ATP10D: variants seen among roughly 807,000 people sequenced by gnomAD.
ATP10D encodes ATPase phospholipid transporting 10D (putative).
A neutral mutation model predicts 144.8 loss-of-function variants in ATP10D; 89 were observed. That is an observed-to-expected ratio of 0.61 (90% CI 0.52 to 0.73). ATP10D has a LOEUF of 0.73. Ranked by LOEUF, ATP10D falls within the 30% of genes least tolerant of loss-of-function variation. The pLI is 0.00. For synonymous variants in ATP10D, 571 were observed against 615.1 expected, an observed-to-expected ratio of 0.93 and a Z score of 1.06; for missense variants, 1,603 against 1,714.8, an observed-to-expected ratio of 0.93 and a Z score of 1.15.
chr4:47,524,437 TCTGGTACCAAAGACATTGG>T (rs1457199526), intron 4 of ATP10D, among the ~76,000 whole-genome samples: 1 of 152,214 alleles, frequency 6.6e-6, no homozygotes, highest in Non-Finnish European at 1.5e-5. Flanking sequence ...CTGTAAGTAG[TCTGGTACCAAAGACATTGG>T]TAAAAATCCT....
At chr4:47,514,177 A>C (rs1422859768) in intron 2 of ATP10D, among the ~76,000 whole-genome samples, 2 of 152,254 alleles carry the variant, frequency 1.3e-5, no homozygotes, top group African/African-American at 2.4e-5. Context: ...ACATACATTC[A>C]TTCTCATCAT....
At chr4:47,529,941 CAGTT>C (rs1207726299) in intron 5 of ATP10D, among the ~76,000 whole-genome samples, 2 of 151,978 alleles carry the variant, frequency 1.3e-5, no homozygotes. Context: ...ATTTGGTTCT[CAGTT>C]AGAATGTTAT....
rs200556408 is a variant in ATP10D at position 47,523,070 on chromosome 4, C to T, written c.544C>T (p.Arg182Cys). Residue 182 changes from arginine to cysteine, a missense_variant, in exon 4 of 23, where the codon CGC (arginine) becomes TGC (cysteine). By Grantham distance (180) the Arg-to-Cys change is radical (BLOSUM62 -3). Coordinates refer to ENST00000273859, the MANE Select transcript of ATP10D (RefSeq NM_020453.4). Reference sequence around the variant, plus strand: ...AGACGTTACTGTTGGGGACTTTATTCGCCTCTCCTGCAACGAGGTCATCCC... The same window carrying T: ...AGACGTTACTGTTGGGGACTTTATTTGCCTCTCCTGCAACGAGGTCATCCC... ...WKDVTVGDFI[R>C]LSCNEVIPAD... The T allele has an allele frequency of 1.2e-4, 194 of 1,613,156 alleles. 3 individuals are homozygous for T. Among genetic ancestry groups the T allele is most frequent in the South Asian group, 1.0e-3 (91 of 91,054 alleles).
At chr4:47,549,950 C>CTT (rs57539413) in intron 10 of ATP10D, among the ~76,000 whole-genome samples, 5 of 128,176 alleles carry the variant, frequency 3.9e-5, no homozygotes, top group Non-Finnish European at 6.7e-5. Context: ...TCACCTTTGT[C>CTT]TTTTTTTTTT....
At chr4:47,559,298 G>A (rs1560445129) in intron 13 of ATP10D, among the ~76,000 whole-genome samples, 1 of 152,228 alleles carries the variant, frequency 6.6e-6, no homozygotes, top group East Asian at 1.9e-4. Flanking sequence ...CAGTTGTTTG[G>A]CTGGGAATAA....
intron 21 of ATP10D, among the ~76,000 whole-genome samples, chr4:47,585,173 T>C (rs1236781066): frequency 6.6e-6 from 1 of 152,138 alleles, no homozygotes; most frequent in East Asian, 1.9e-4. Context: ...CAGTAATTCT[T>C]GCTAATTTCT....
At chr4:47,574,392 A>G (rs1461290308) in intron 18 of ATP10D, among the ~76,000 whole-genome samples, 1 of 152,182 alleles carries the variant, frequency 6.6e-6, no homozygotes, top group African/African-American at 2.4e-5. Context: ...AACAATGCAT[A>G]TTTTATGTGC....
chr4:47,502,668 TATAA>T (rs1715770902), intron 1 of ATP10D, among the ~76,000 whole-genome samples: 1 of 148,260 alleles, frequency 6.7e-6, no homozygotes, highest in African/African-American at 2.4e-5. Flanking sequence ...ATATTACACA[TATAA>T]ATATATATTA....
Position 47,568,967 on chromosome 4 carries a change from C to T in ATP10D, c.2984C>T (p.Ala995Val). ...GTCCCCCGGGACTCAGGGTTACGAGCTGGACTCATTATCACTGGGAAGACC... is the reference window on the plus strand; with the variant it reads ...GTCCCCCGGGACTCAGGGTTACGAGTTGGACTCATTATCACTGGGAAGACC... ...PPVPRDSGLR[A>V]GLIITGKTLE... The change falls in exon 16 of 23, where the codon GCT (alanine) becomes GTT (valine). Residue 995 changes from alanine to valine, a missense_variant. By Grantham distance (64) the Ala-to-Val change is moderately conservative (BLOSUM62 0). Transcript: ENST00000273859. 6.2e-7 allele frequency: 1 copy of T among 1,614,200 alleles called. No individual in the cohort carries two copies. The highest frequency in any genetic ancestry group is 8.5e-7 in the Non-Finnish European group (1 of 1,180,034).
chr4:47,568,155 T>C (rs1719739800), intron 15 of ATP10D, among the ~76,000 whole-genome samples: 1 of 152,200 alleles, frequency 6.6e-6, no homozygotes, highest in Admixed American at 6.5e-5. Context: ...TCCTAACTAG[T>C]GTGGAGTGAG....
chr4:47,565,095 A>G (rs1719544879), intron 15 of ATP10D, among the ~76,000 whole-genome samples: 1 of 152,188 alleles, frequency 6.6e-6, no homozygotes, highest in Non-Finnish European at 1.5e-5. Context: ...AGTAGCTGGG[A>G]CTACAGGCTC....
chr4:47,560,544 G>A (rs1402908711), intron 13 of ATP10D, among the ~76,000 whole-genome samples: 1 of 152,102 alleles, frequency 6.6e-6, no homozygotes, highest in African/African-American at 2.4e-5. Context: ...GGTATGAAAG[G>A]TGCTGCTGGT....
chr4:47,527,794 G>A (rs1388930265), intron 5 of ATP10D, among the ~76,000 whole-genome samples: 1 of 152,146 alleles, frequency 6.6e-6, no homozygotes, highest in East Asian at 1.9e-4. Context: ...TGGTGGGAAT[G>A]TAAAATAGTA....
At chr4:47,496,173 T>TC (rs1253569181) in intron 1 of ATP10D, among the ~76,000 whole-genome samples, 2 of 141,174 alleles carry the variant, frequency 1.4e-5, no homozygotes, top group Non-Finnish European at 3.1e-5. Context: ...TTTTTTTTTT[T>TC]TGAGACGGAG....
At chr4:47,523,928 G>T (rs997822218) in intron 4 of ATP10D, among the ~76,000 whole-genome samples, 1 of 151,112 alleles carries the variant, frequency 6.6e-6, no homozygotes, top group African/African-American at 2.4e-5. Context: ...AATGATTTTT[G>T]TTGTTGTTGT....
At chr4:47,529,636 G>T (rs1577651228) in intron 5 of ATP10D, among the ~76,000 whole-genome samples, 1 of 151,790 alleles carries the variant, frequency 6.6e-6, no homozygotes, top group Non-Finnish European at 1.5e-5. Context: ...CTTTTTTTTG[G>T]TTCCTTATGA....
chr4:47,574,553 G>GGATC (rs1720126274), intron 18 of ATP10D, among the ~76,000 whole-genome samples: 1 of 152,106 alleles, frequency 6.6e-6, no homozygotes, highest in African/African-American at 2.4e-5. Flanking sequence ...TACATTTTCA[G>GGATC]AAACTGGTCC....
Position 47,558,067 on chromosome 4 carries a change from C to G in ATP10D, c.2228C>G (p.Thr743Ser). 1.2e-6 allele frequency: 2 copies of G among 1,614,238 alleles called. No homozygotes were observed. Among genetic ancestry groups the G allele is most frequent in the East Asian group, 2.2e-5 (1 of 44,890 alleles). The change falls in exon 12 of 23, where the codon ACT becomes AGT. Residue 743 changes from threonine (T) to serine (S), a missense_variant. Coordinates refer to ENST00000273859, the MANE Select transcript of ATP10D (RefSeq NM_020453.4). ...LVYAARAYQC[T>S]LRSRTPEQVM... ...TATGCCGCCAGGGCTTACCAATGCACTTTACGGTCTCGGACACCAGAGCAG... is the reference window on the plus strand; with the variant it reads ...TATGCCGCCAGGGCTTACCAATGCAGTTTACGGTCTCGGACACCAGAGCAG...
chr4:47,559,176 A>G (rs1719150293), intron 13 of ATP10D, 147 bp downstream of exon 13: 1 of 600,342 alleles, frequency 1.7e-6, no homozygotes, highest in African/African-American at 1.9e-5. Flanking sequence ...TCTATTCCAT[A>G]TATTGGTTGG....
Sources: allele counts gnomAD v4.1 joint callset (sites outside exome capture counted in the v4.1 genomes callset), GRCh38; gene constraint gnomAD v4.1.1; transcripts MANE v1.5; gene names NCBI Gene and HGNC (gene_info 2026-07-23, HGNC 2026-07-21).